The following TPCN1 variants were observed in gnomAD, a reference collection of about 807,000 sequenced individuals.
TPCN1 encodes the protein two pore channel protein 1.
In TPCN1, 52 loss-of-function variants were observed where a neutral mutation model predicts 108.8. The ratio of observed to expected loss-of-function variants is 0.48; its 90% CI spans 0.38 to 0.60. The LOEUF is 0.60. Among genes scored for constraint, TPCN1 ranks in the 20% least tolerant of loss-of-function variants. The pLI is 0.00. For synonymous variants in TPCN1, 446 were observed against 433.7 expected (o/e 1.03, Z -0.35); for missense variants, 806 against 1,072.8 (o/e 0.75, Z 3.47).
At chr12:113,283,487 T>C (rs920539369) in intron 15 of TPCN1, among the ~76,000 whole-genome samples, 2 of 151,544 alleles carry the variant, frequency 1.3e-5, no homozygotes, top group African/African-American at 4.8e-5. Context: ...ATACAAAAAT[T>C]AGCTGGCGTG....
In TPCN1 at chr12:113,260,289, A is replaced by T. The variant is rs1162682153; in HGVS notation, c.113-79A>T. 6.3e-6 allele frequency: 9 copies of T among 1,426,858 alleles called. No homozygotes were observed. The East Asian group carries it at 2.2e-4, about 35-fold the overall frequency. 88.4% of individuals were successfully genotyped at this position (1,426,858 alleles called of 1,614,324 possible). A position where few individuals can be genotyped will look rare whatever the true frequency, so the allele number is the denominator to read the frequency against. ...CATGTGAGCATATGAAGGGACTGCC[A>T]GGCTTTTCTTCTGCCAAACGGTGTC... On this transcript the variant is annotated intron_variant, in intron 2 of 27. Coordinates refer to ENST00000335509, the MANE Select transcript of TPCN1 (RefSeq NM_017901.6).
intron 2 of TPCN1, among the ~76,000 whole-genome samples, chr12:113,236,167 G>A (rs1953884939): frequency 6.6e-6 from 1 of 152,218 alleles, no homozygotes; most frequent in African/African-American, 2.4e-5. Context: ...GGCAAGAGCA[G>A]TTGGCAATGA....
chr12:113,242,280 A>G (rs1337548931), intron 2 of TPCN1, among the ~76,000 whole-genome samples: 1 of 152,240 alleles, frequency 6.6e-6, no homozygotes, highest in Non-Finnish European at 1.5e-5. Flanking sequence ...TTTTCCAAGT[A>G]GCACACCTGA....
intron 2 of TPCN1, chr12:113,244,419 A>G (rs913439430): frequency 1.2e-5 from 12 of 985,350 alleles, no homozygotes; most frequent in East Asian, 1.1e-4. Context: ...ACGTGTGTCA[A>G]TAATGCGGGT....
intron 7 of TPCN1, among the ~76,000 whole-genome samples, chr12:113,271,505 T>C (rs1423396644): frequency 2.0e-5 from 3 of 152,260 alleles, no homozygotes; most frequent in African/African-American, 7.2e-5. Context: ...ATGCTTTGCA[T>C]ACTTAAAAAA....
chr12:113,288,907 G>T lies in TPCN1; in HGVS notation c.1796+60G>T, dbSNP rs1956179701. On this transcript the variant is annotated intron_variant, in intron 21 of 27. Coordinates refer to ENST00000335509, the MANE Select transcript of TPCN1 (RefSeq NM_017901.6). The surrounding 1 kb of genome is among the most constrained non-coding windows in gnomAD (Gnocchi z 4.8). ...ATTTCCCGGGCAGAGGGCTGGCCAG[G>T]GCCAGGATTGGTGTCCTTGTGGCCT... 4 of 1,546,510 alleles carry T rather than the reference G, an allele frequency of 2.6e-6. No homozygotes were observed. Among genetic ancestry groups the T allele is most frequent in the Admixed American group, 3.3e-5 (2 of 59,898 alleles).
chr12:113,291,688 G>A lies in TPCN1; in HGVS notation c.2028+11G>A. On this transcript the variant is annotated intron_variant, in intron 24 of 27. Transcript: ENST00000335509. ...TACATTGTGACCATGGTAGGTCCCG[G>A]ACCACAGAACGCTCTTTGTCCTTCG... The A allele has an allele frequency of 6.2e-7, 1 of 1,613,160 alleles. No homozygotes were observed. The highest frequency in any genetic ancestry group is 1.3e-5 in the African/African-American group (1 of 75,034).
At chr12:113,258,133 C>T (rs955457470) in intron 2 of TPCN1, among the ~76,000 whole-genome samples, 1 of 152,130 alleles carries the variant, frequency 6.6e-6, no homozygotes, top group Non-Finnish European at 1.5e-5. Flanking sequence ...AAAATATATA[C>T]TGTTTATTGT....
intron 18 of TPCN1, 131 bp from the exon 19 acceptor site, chr12:113,286,856 C>A: frequency 1.5e-6 from 1 of 676,710 alleles, no homozygotes; most frequent in Non-Finnish European, 2.6e-6. Context: ...CTTCCCGCAG[C>A]CGGCTGGTTC....
intron 2 of TPCN1, among the ~76,000 whole-genome samples, chr12:113,236,543 AG>A (rs1268332481): frequency 1.3e-5 from 2 of 150,962 alleles, no homozygotes; most frequent in Non-Finnish European, 2.9e-5. Context: ...TGAAGTAAGG[AG>A]GGGGGTTGCA....
Position 113,245,103 on chromosome 12 carries a change from C to T in TPCN1, c.113-15265C>T, listed in dbSNP as rs185652442. 5.2e-3 allele frequency among the ~76,000 whole-genome samples: 782 copies of T among 151,676 alleles called. 11 individuals are homozygous for T. Among genetic ancestry groups the T allele is most frequent in the African/African-American group, 0.018 (741 of 41,312 alleles). On this transcript the variant is annotated intron_variant, in intron 2 of 27. Transcript: ENST00000335509. ...ACATGGTGATGAAACCCTGTCTCTACAAAAAAATACAAAAAATTAGCAGGG... is the reference window on the plus strand; with the variant it reads ...ACATGGTGATGAAACCCTGTCTCTATAAAAAAATACAAAAAATTAGCAGGG...
Position 113,273,141 on chromosome 12 carries a change from C to A in TPCN1, c.784-91C>A, listed in dbSNP as rs1955560815. On this transcript the variant is annotated intron_variant, in intron 8 of 27. Transcript: ENST00000335509. The surrounding 1 kb of genome is among the most constrained non-coding windows in gnomAD (Gnocchi z 4.0). ...TTGAGAGATGCAAGAGCGGTCAAGG[C>A]AGGGCATGCCAGGTGGCCCATCACA... 5 of 1,155,620 alleles carry A rather than the reference C, an allele frequency of 4.3e-6. No homozygotes were observed. The highest frequency in any genetic ancestry group is 6.6e-6 in the Non-Finnish European group (5 of 763,022). 71.6% of individuals were successfully genotyped at this position (1,155,620 alleles called of 1,614,324 possible). A position where few individuals can be genotyped will look rare whatever the true frequency, so the allele number is the denominator to read the frequency against.
chr12:113,242,871 T>C (rs1032862182), intron 2 of TPCN1, among the ~76,000 whole-genome samples: 1 of 152,174 alleles, frequency 6.6e-6, no homozygotes, highest in African/African-American at 2.4e-5. Context: ...CGGAGGGCCC[T>C]TGTCATCCCA....
At chr12:113,230,805 A>G (rs1227600304) in intron 2 of TPCN1, among the ~76,000 whole-genome samples, 1 of 152,218 alleles carries the variant, frequency 6.6e-6, no homozygotes, top group East Asian at 1.9e-4. Flanking sequence ...ATATGCAGGT[A>G]CTCAACAAAT....
chr12:113,261,218 A>C (rs1955017897), intron 3 of TPCN1, among the ~76,000 whole-genome samples: 1 of 152,122 alleles, frequency 6.6e-6, no homozygotes, highest in African/African-American at 2.4e-5. Context: ...TTTTGTGTGA[A>C]AGTAATACAT....
At position 113,231,873 on chromosome 12, in the gene TPCN1, A is replaced by C. The variant is rs774681790; in HGVS notation, c.112+4909A>C. On this transcript the variant is annotated intron_variant, in intron 2 of 27. Coordinates refer to ENST00000335509, the MANE Select transcript of TPCN1 (RefSeq NM_017901.6). This position sits in a 1 kb window ranked among gnomAD's most constrained non-coding sequence, Gnocchi z 4.3. ...AAACAGTCAGCGGGGCCACTGTTAG[A>C]GCAGTGTAGAGACAGACCACAGTCC... 9.8e-5 allele frequency among the ~76,000 whole-genome samples: 15 copies of C among 152,328 alleles called. No homozygotes were observed. The Middle Eastern group carries it at 0.01, about 104-fold the overall frequency.
At chr12:113,292,868 C>A in intron 25 of TPCN1, 66 bp from the exon 26 acceptor site, 1 of 1,563,894 alleles carries the variant, frequency 6.4e-7, no homozygotes, top group Non-Finnish European at 8.7e-7. Flanking sequence ...CAAGGAGGTA[C>A]GAGACCCAGC....
chr12:113,246,146 C>T (rs1256404451), intron 2 of TPCN1: 1 of 419,872 alleles, frequency 2.4e-6, no homozygotes, highest in Non-Finnish European at 4.9e-6. Flanking sequence ...GTTTTGTATT[C>T]TCATGCCTGT....
chr12:113,279,521 C>A (rs1315014620), intron 14 of TPCN1, among the ~76,000 whole-genome samples: 1 of 149,226 alleles, frequency 6.7e-6, no homozygotes, highest in Non-Finnish European at 1.5e-5. Flanking sequence ...GCCTCAGCCT[C>A]CCGAGTAGCT....
Sources: allele counts gnomAD v4.1 joint callset (sites outside exome capture counted in the v4.1 genomes callset), GRCh38; gene constraint gnomAD v4.1.1; non-coding constraint Gnocchi (gnomAD v3.1); transcripts MANE v1.5; gene names NCBI Gene and HGNC (gene_info 2026-07-23, HGNC 2026-07-21).